The following DYM variants were observed in gnomAD, a reference collection of about 807,000 sequenced individuals.
DYM encodes dymeclin, also known as dyggve-Melchior-Clausen syndrome protein.
DYM carries 78 observed loss-of-function variants against 93.1 expected under a neutral mutation model. That is an observed-to-expected ratio of 0.84 (90% confidence interval 0.70 to 1.01). The LOEUF is 1.01. Among genes scored for constraint, DYM ranks in the 50% least tolerant of loss-of-function variants. DYM has a pLI of 0.00. For synonymous variants in DYM, 321 were observed against 319.7 expected (o/e 1.00, Z -0.04); for missense variants, 789 against 845.0 (o/e 0.93, Z 0.82).
chr18:49,080,329 C>CG (rs1340403481), intron 17 of DYM, among the ~76,000 whole-genome samples: 1 of 120,546 alleles, frequency 8.3e-6, no homozygotes, highest in Non-Finnish European at 1.8e-5. Context: ...GCTGGCCGGG[C>CG]GGGGGGCTGA....
intron 2 of DYM, among the ~76,000 whole-genome samples, chr18:49,420,051 T>C (rs975405684): frequency 2.6e-5 from 4 of 151,858 alleles, no homozygotes; most frequent in African/African-American, 9.7e-5. Flanking sequence ...TTCTCACCAA[T>C]CCACAGCCAC....
intron 13 of DYM, among the ~76,000 whole-genome samples, chr18:49,215,974 G>C (rs915001539): frequency 3.6e-4 from 55 of 152,102 alleles, no homozygotes; most frequent in Non-Finnish European, 7.2e-4. Context: ...AAGCGCAAGG[G>C]GTCAGGGAGT....
At chr18:49,445,477 G>A (rs1319643596) in intron 1 of DYM, among the ~76,000 whole-genome samples, 3 of 151,630 alleles carry the variant, frequency 2.0e-5, no homozygotes, top group South Asian at 2.1e-4. Context: ...ACAAAAGAAC[G>A]GAGAAAAGAT....
intron 13 of DYM, among the ~76,000 whole-genome samples, chr18:49,253,153 T>A (rs995443591): frequency 6.6e-6 from 1 of 152,232 alleles, no homozygotes; most frequent in African/African-American, 2.4e-5. Flanking sequence ...GAAGATCATG[T>A]GAAATACTGA....
chr18:49,300,071 A>G (rs2060812558), intron 8 of DYM, among the ~76,000 whole-genome samples: 1 of 121,900 alleles, frequency 8.2e-6, no homozygotes, highest in East Asian at 2.0e-4. Flanking sequence ...ATATATATAA[A>G]TATATATATA....
intron 6 of DYM, among the ~76,000 whole-genome samples, chr18:49,337,216 A>G (rs188196405): frequency 1.3e-5 from 2 of 152,312 alleles, no homozygotes; most frequent in East Asian, 3.9e-4. Flanking sequence ...CATTGCAACA[A>G]AAATGTAAAG....
intron 3 of DYM, chr18:49,391,247 C>T: frequency 4.0e-6 from 1 of 248,436 alleles, no homozygotes; most frequent in Non-Finnish European, 8.1e-6. Context: ...TCCTAATATA[C>T]ATTCTTAATA....
chr18:49,086,689 G>A (rs1349530190), intron 17 of DYM, among the ~76,000 whole-genome samples: 1 of 152,056 alleles, frequency 6.6e-6, no homozygotes, highest in Non-Finnish European at 1.5e-5. Context: ...GGGGATTAGT[G>A]CCCTCAAAAG....
At chr18:49,163,943 G>A (rs2087531569) in intron 14 of DYM, among the ~76,000 whole-genome samples, 156 bp from the exon 15 acceptor site, 1 of 152,078 alleles carries the variant, frequency 6.6e-6, no homozygotes, top group South Asian at 2.1e-4. Flanking sequence ...ATTAATAATA[G>A]TATTTATGTA....
At chr18:49,400,949 C>G (rs948265097) in intron 2 of DYM, among the ~76,000 whole-genome samples, 1 of 152,046 alleles carries the variant, frequency 6.6e-6, no homozygotes, top group Non-Finnish European at 1.5e-5. Context: ...CCATCATTTG[C>G]AGTAAATAAA....
chr18:49,260,626 A>C (rs1463898987), intron 11 of DYM, among the ~76,000 whole-genome samples: 1 of 152,238 alleles, frequency 6.6e-6, no homozygotes, highest in African/African-American at 2.4e-5. Context: ...AGTATATGAG[A>C]AAGTTCCATT....
At chr18:49,290,474 T>C (rs1052973207) in intron 8 of DYM, among the ~76,000 whole-genome samples, 2 of 152,114 alleles carry the variant, frequency 1.3e-5, no homozygotes, top group African/African-American at 4.8e-5. Flanking sequence ...GGAAGACTTT[T>C]GTTTTACTTG....
chr18:49,455,753 A>T (rs886663775), intron 1 of DYM, among the ~76,000 whole-genome samples: 10 of 152,094 alleles, frequency 6.6e-5, no homozygotes, highest in African/African-American at 2.2e-4. Context: ...GGAGTTCGAG[A>T]CAGCCTGGGC....
At chr18:49,394,719 T>C (rs777715561) in intron 2 of DYM, among the ~76,000 whole-genome samples, 1 of 152,224 alleles carries the variant, frequency 6.6e-6, no homozygotes, top group South Asian at 2.1e-4. Flanking sequence ...CAATATCTTA[T>C]AGTTTTCATT....
chr18:49,444,546 T>C (rs2081941614), intron 1 of DYM, among the ~76,000 whole-genome samples: 1 of 152,170 alleles, frequency 6.6e-6, no homozygotes, highest in South Asian at 2.1e-4. Context: ...TCCTATGCTG[T>C]CAAAAATTAA....
intron 8 of DYM, among the ~76,000 whole-genome samples, chr18:49,321,872 A>G (rs1599409448): frequency 1.3e-5 from 2 of 152,222 alleles, no homozygotes; most frequent in East Asian, 3.9e-4. Context: ...TGAAAGTTAG[A>G]AGTGTTTTAA....
At chr18:49,056,353 A>G (rs1194757085) in intron 17 of DYM, among the ~76,000 whole-genome samples, 1 of 152,252 alleles carries the variant, frequency 6.6e-6, no homozygotes, top group African/African-American at 2.4e-5. Flanking sequence ...CTAATAAGCA[A>G]GGGACAGGTG....
At chr18:49,281,764 G>A (rs1329022448) in intron 10 of DYM, among the ~76,000 whole-genome samples, 1 of 152,112 alleles carries the variant, frequency 6.6e-6, no homozygotes, top group African/African-American at 2.4e-5. Context: ...GAGAATACAT[G>A]GACACAGGAA....
rs2074715979 is a variant in DYM, at chr18:49,430,544, C to T, written c.-53-97G>A. 3 of 934,506 alleles carry T rather than the reference C, an allele frequency of 3.2e-6. No individual in the cohort carries two copies. In the South Asian group the frequency reaches 4.7e-5, roughly 15 times the overall value. The allele number at this position is 934,506 out of a possible 1,614,324, so 57.9% of individuals were successfully genotyped here. Reference sequence around the variant, plus strand: ...TATAAACTTACTAAAGAAAATCACACATTTCTGTATTTATAAATATATTAG... The same window carrying T: ...TATAAACTTACTAAAGAAAATCACATATTTCTGTATTTATAAATATATTAG... On this transcript the variant is annotated intron_variant, in intron 1 of 17. Coordinates refer to ENST00000675505, the MANE Select transcript of DYM (RefSeq NM_001353214.3).
Sources: allele counts gnomAD v4.1 joint callset (sites outside exome capture counted in the v4.1 genomes callset), GRCh38; gene constraint gnomAD v4.1.1; transcripts MANE v1.5; gene names NCBI Gene and HGNC (gene_info 2026-07-23, HGNC 2026-07-21).